ZNF729: variants seen among roughly 807,000 people sequenced by gnomAD.
ZNF729 encodes the protein zinc finger protein 729.
Under a neutral mutation model 12.2 loss-of-function variants are expected in ZNF729, and 15 were observed. The ratio of observed to expected loss-of-function variants is 1.23; its 90% CI spans 0.82 to 1.89. The LOEUF (loss-of-function observed/expected upper bound fraction) is 1.89, where lower values mean the gene tolerates loss of function less well. ZNF729 is among the 40% of genes most tolerant of loss of function. ZNF729 has a pLI of 0.00. For synonymous variants in ZNF729, 492 were observed against 476.3 expected (o/e 1.03, Z -0.43); for missense variants, 1,540 against 1,456.7 (o/e 1.06, Z -0.93).
Position 22,316,601 on chromosome 19 carries a change from A to G in ZNF729, c.3184A>G (p.Lys1062Glu), listed in dbSNP as rs763030284. The G allele has an allele frequency of 3.1e-6, 5 of 1,612,850 alleles. No individual in the cohort carries two copies. In the African/African-American group the frequency reaches 4.0e-5, roughly 13 times the overall value. The change falls in exon 4 of 4, where the codon AAA (lysine) becomes GAA (glutamate). Residue 1062 changes from lysine to glutamate, a missense_variant. Lys to Glu is a moderately conservative substitution (Grantham distance 56, BLOSUM62 1). Transcript: ENST00000601693. Reference protein sequence around the residue: ...ECGKAFKWSSKLTEHKVIHTG... With the variant: ...ECGKAFKWSSELTEHKVIHTG... Reference sequence around the variant, plus strand: ...TGGTAAAGCTTTTAAGTGGTCCTCAAAACTTACTGAACATAAGGTAATTCA... The same window carrying G: ...TGGTAAAGCTTTTAAGTGGTCCTCAGAACTTACTGAACATAAGGTAATTCA...
intron 3 of ZNF729, among the ~76,000 whole-genome samples, chr19:22,311,110 C>T (rs1335409194): frequency 6.6e-6 from 1 of 151,870 alleles, no homozygotes; most frequent in African/African-American, 2.4e-5. Context: ...TATGGTCTGT[C>T]AATTGTATTT....
In ZNF729 at chr19:22,315,188, A is replaced by C. The variant is rs1302553651; in HGVS notation, c.1771A>C (p.Lys591Gln). ...GCATTTCTCAGCCCTCAGAAAACATAAGGTAATTCATACTAGGGAGAAATT... is the reference window on the plus strand; with the variant it reads ...GCATTTCTCAGCCCTCAGAAAACATCAGGTAATTCATACTAGGGAGAAATT... ...FKHFSALRKHKVIHTREKLYK... is the reference protein window; with the variant it reads ...FKHFSALRKHQVIHTREKLYK... The change falls in exon 4 of 4, where the codon AAG (lysine) becomes CAG (glutamine). Residue 591 changes from lysine to glutamine, a missense_variant. Transcript: ENST00000601693. 1 of 1,611,942 alleles carries C rather than the reference A, an allele frequency of 6.2e-7. No individual in the cohort carries two copies. Among genetic ancestry groups the C allele is most frequent in the East Asian group, 2.2e-5 (1 of 44,830 alleles).
At position 22,303,644 on chromosome 19, in the gene ZNF729, C is replaced by A. The variant is rs1968343481; in HGVS notation, c.31-114C>A. On this transcript the variant is annotated intron_variant, in intron 1 of 3. Transcript: ENST00000601693. ...ATTTTATTGGATATGTTCGGTCATC[C>A]CTATAAGTTAGAATCTGTTCTCTTT... is the stretch of plus-strand genomic sequence containing the variant. 39 of 969,346 alleles carry A rather than the reference C, an allele frequency of 4.0e-5. No homozygotes were observed. The South Asian group carries it at 6.1e-4, about 15-fold the overall frequency. The allele number at this position is 969,346 out of a possible 1,614,324, so 60.0% of individuals were successfully genotyped here.
intron 1 of ZNF729, among the ~76,000 whole-genome samples, chr19:22,292,055 T>C (rs1408465166): frequency 6.6e-6 from 1 of 152,200 alleles, no homozygotes; most frequent in East Asian, 1.9e-4. Flanking sequence ...TTTTAACTTT[T>C]ATTTTTGATT....
In ZNF729 at chr19:22,315,221, T is replaced by A; in HGVS notation, c.1804T>A (p.Cys602Ser). ...TCATACTAGGGAGAAATTGTACAAA[T>A]GTGAAGAATGTGGCAAAGCTTTTAA... ...VIHTREKLYKCEECGKAFNNS... is the reference protein window; with the variant it reads ...VIHTREKLYKSEECGKAFNNS... The change falls in exon 4 of 4, where the codon TGT (cysteine) becomes AGT (serine). Residue 602 changes from cysteine to serine, a missense_variant. Transcript: ENST00000601693. 1 of 1,612,184 alleles carries A rather than the reference T, an allele frequency of 6.2e-7. No individual in the cohort carries two copies. The highest frequency in any genetic ancestry group is 2.2e-5 in the East Asian group (1 of 44,792).
chr19:22,316,006 A>G lies in ZNF729; in HGVS notation c.2589A>G (p.Gln863=), dbSNP rs181486123. The change falls in exon 4 of 4, where the codon CAA becomes CAG. Residue 863 remains glutamine, a synonymous_variant. Coordinates refer to ENST00000601693, the MANE Select transcript of ZNF729 (RefSeq NM_001242680.2). The part of the protein sequence containing the change: ...KCEECGKAFS[Q]SSSLRKHEII... The stretch of plus-strand genomic sequence containing the variant: ...AAGAATGTGGCAAAGCTTTTAGCCA[A>G]TCCTCATCCCTTAGAAAACATGAGA... The G allele has an allele frequency of 6.8e-6, 11 of 1,606,840 alleles. No homozygotes were observed. The highest frequency in any genetic ancestry group is 6.7e-5 in the Admixed American group (4 of 59,504).
At chr19:22,303,444 T>TA (rs1187716162) in intron 1 of ZNF729, among the ~76,000 whole-genome samples, 1 of 152,214 alleles carries the variant, frequency 6.6e-6, no homozygotes, top group African/African-American at 2.4e-5. Flanking sequence ...ATACAAGACT[T>TA]ATTCTGTATG....
intron 3 of ZNF729, among the ~76,000 whole-genome samples, chr19:22,305,757 T>G (rs1042448729): frequency 7.9e-5 from 12 of 152,166 alleles, no homozygotes; most frequent in Non-Finnish European, 1.6e-4. Flanking sequence ...TATTGCATGC[T>G]TTTTTCCTTA....
At chr19:22,288,060 G>T (rs1443938100) in intron 1 of ZNF729, among the ~76,000 whole-genome samples, 1 of 151,976 alleles carries the variant, frequency 6.6e-6, no homozygotes, top group African/African-American at 2.4e-5. Flanking sequence ...TGGCCAGGCT[G>T]GTCTCGAACT....
chr19:22,308,272 G>A (rs1968409725), intron 3 of ZNF729, among the ~76,000 whole-genome samples: 1 of 152,082 alleles, frequency 6.6e-6, no homozygotes, highest in Admixed American at 6.6e-5. Context: ...TTGGTTAATA[G>A]GCAATGGGCA....
chr19:22,301,683 T>TA (rs1968307355), intron 1 of ZNF729, among the ~76,000 whole-genome samples: 2 of 152,428 alleles, frequency 1.3e-5, no homozygotes, highest in South Asian at 2.1e-4. Context: ...AGTGACCTGT[T>TA]ACAGGTATGT....
intron 3 of ZNF729, 122 bp from the exon 4 acceptor site, chr19:22,313,549 A>G (rs1968476884): frequency 1.2e-6 from 1 of 827,278 alleles, no homozygotes; most frequent in Non-Finnish European, 1.7e-6. Context: ...TGAAGAAATT[A>G]GGGCCTGTCT....
chr19:22,287,107 T>G (rs1318146669), intron 1 of ZNF729, among the ~76,000 whole-genome samples: 3 of 152,288 alleles, frequency 2.0e-5, no homozygotes, highest in East Asian at 3.9e-4. Context: ...ATTCAGTAAT[T>G]GGTTATGTAC....
chr19:22,315,202 T>G lies in ZNF729; in HGVS notation c.1785T>G (p.Thr595=), dbSNP rs769841752. 35 of 1,611,976 alleles carry G rather than the reference T, an allele frequency of 2.2e-5. No homozygotes were observed. The highest frequency in any genetic ancestry group is 2.5e-5 in the Non-Finnish European group (29 of 1,179,374). ...TCAGAAAACATAAGGTAATTCATAC[T>G]AGGGAGAAATTGTACAAATGTGAAG... The part of the protein sequence containing the change: ...SALRKHKVIH[T]REKLYKCEEC... Residue 595 remains threonine, a synonymous_variant, in exon 4 of 4, where the codon ACT becomes ACG. Transcript: ENST00000601693.
In ZNF729 at chr19:22,315,697, A is replaced by G. The variant is rs1159501604; in HGVS notation, c.2280A>G (p.Val760=). 15 of 1,606,468 alleles carry G rather than the reference A, an allele frequency of 9.3e-6. No homozygotes were observed. The highest frequency in any genetic ancestry group is 1.3e-5 in the Non-Finnish European group (15 of 1,178,192). ...KHFSALRKHK[V]IHTREKLYKC... ...TCTCAGCCCTTAGAAAACATAAGGT[A>G]ATTCATACTAGGGAGAAATTGTACA... is the stretch of plus-strand genomic sequence containing the variant. Residue 760 remains valine, a synonymous_variant, in exon 4 of 4, where the codon GTA becomes GTG. Transcript: ENST00000601693.
intron 1 of ZNF729, among the ~76,000 whole-genome samples, chr19:22,301,132 C>T (rs902160762): frequency 1.1e-4 from 17 of 152,156 alleles, no homozygotes; most frequent in Non-Finnish European, 2.4e-4. Flanking sequence ...TAACTTGTAC[C>T]GTAAAACTTA....
chr19:22,305,573 T>G (rs1253189399), intron 3 of ZNF729, among the ~76,000 whole-genome samples: 1 of 152,100 alleles, frequency 6.6e-6, no homozygotes, highest in Admixed American at 6.6e-5. Flanking sequence ...ATATTACTAT[T>G]ATATAATATC....
intron 1 of ZNF729, among the ~76,000 whole-genome samples, chr19:22,290,534 C>G (rs1294040058): frequency 6.6e-6 from 1 of 151,962 alleles, no homozygotes; most frequent in African/African-American, 2.4e-5. Flanking sequence ...GAGGGGATGG[C>G]AAATGGAGGG....
intron 1 of ZNF729, among the ~76,000 whole-genome samples, chr19:22,297,835 C>G (rs1568572463): frequency 6.6e-6 from 1 of 151,824 alleles, no homozygotes; most frequent in Admixed American, 6.6e-5. Flanking sequence ...GAAACTCCGT[C>G]TCTACTAAAA....
Sources: allele counts gnomAD v4.1 joint callset (sites outside exome capture counted in the v4.1 genomes callset), GRCh38; gene constraint gnomAD v4.1.1; transcripts MANE v1.5; gene names NCBI Gene and HGNC (gene_info 2026-07-23, HGNC 2026-07-21).